The following PUM3 variants were observed in gnomAD, a reference collection of about 807,000 sequenced individuals.
PUM3 encodes pumilio homolog 3.
In PUM3, 91 loss-of-function variants were observed where a neutral mutation model predicts 84.0. That is an observed-to-expected ratio of 1.08 (90% CI 0.91 to 1.29). The LOEUF is 1.29. PUM3 is among the 50% of genes most tolerant of loss of function. PUM3 has a pLI of 0.00. For synonymous variants in PUM3, 321 were observed against 266.7 expected, an observed-to-expected ratio of 1.20 and a Z score of -1.98; for missense variants, 1,067 against 767.5, an observed-to-expected ratio of 1.39 and a Z score of -4.61.
At position 2,839,273 on chromosome 9, in the gene PUM3, C is replaced by T. The variant is rs80325504; in HGVS notation, c.-10-756G>A. 4.9e-3 allele frequency among the ~76,000 whole-genome samples: 753 copies of T among 152,298 alleles called. 7 individuals carry two copies. Among genetic ancestry groups the T allele is most frequent in the African/African-American group, 0.017 (712 of 41,566 alleles). ...AAAAGCCATTTGGCTCATTTCTCCA[C>T]TTTCCAAAGTTGGACGATCAACTCA... On this transcript the variant is annotated intron_variant, in intron 1 of 17. Transcript: ENST00000397885.
At chr9:2,834,211 G>C in intron 3 of PUM3, 45 bp from the exon 4 acceptor site, 1 of 1,537,820 alleles carries the variant, frequency 6.5e-7, no homozygotes, top group Non-Finnish European at 8.9e-7. Flanking sequence ...AACATTCTAA[G>C]TGTCATACAC....
At chr9:2,808,919 T>C (rs1372527974) in intron 16 of PUM3, among the ~76,000 whole-genome samples, 1 of 152,148 alleles carries the variant, frequency 6.6e-6, no homozygotes, top group Non-Finnish European at 1.5e-5. Context: ...TGCCACGCAT[T>C]TACTTTGTCC....
intron 13 of PUM3, among the ~76,000 whole-genome samples, chr9:2,812,766 A>T (rs1821398840): frequency 6.6e-6 from 1 of 152,172 alleles, no homozygotes; most frequent in African/African-American, 2.4e-5. Context: ...GTATTAACTG[A>T]CCAAGCCCAA....
chr9:2,833,005 AAAG>A (rs1477320082), intron 5 of PUM3, among the ~76,000 whole-genome samples: 4 of 152,256 alleles, frequency 2.6e-5, no homozygotes, highest in Non-Finnish European at 4.4e-5. Flanking sequence ...TCACAAATAT[AAAG>A]AAGTTGGCAA....
chr9:2,809,226 G>C (rs936415858), intron 16 of PUM3, among the ~76,000 whole-genome samples: 1 of 152,112 alleles, frequency 6.6e-6, no homozygotes. Context: ...ACAGCTAGAC[G>C]TGCAGGAGGA....
intron 3 of PUM3, among the ~76,000 whole-genome samples, chr9:2,834,424 C>T (rs564287096): frequency 2.6e-5 from 4 of 152,092 alleles, no homozygotes; most frequent in Non-Finnish European, 1.5e-5. Flanking sequence ...AAAAGAATTA[C>T]AAAAGTAACT....
chr9:2,844,059 C>G lies in PUM3; in HGVS notation c.-25G>C, dbSNP rs114710813. 1 of 157,794 alleles carries G rather than the reference C, an allele frequency of 6.3e-6. No individual in the cohort carries two copies. The highest frequency in any genetic ancestry group is 1.5e-5 in the Non-Finnish European group (1 of 68,152). 9.8% of individuals were successfully genotyped at this position (157,794 alleles called of 1,614,324 possible). On this transcript the variant is annotated 5_prime_UTR_variant, in exon 1 of 18. Transcript: ENST00000397885. Reference sequence around the variant, plus strand: ...GCCACACTCACCGCACACGTGGGACCGAGACAGCTCGCGCAGCGGATCCCG... The same window carrying G: ...GCCACACTCACCGCACACGTGGGACGGAGACAGCTCGCGCAGCGGATCCCG...
chr9:2,836,940 T>G (rs550137782), intron 3 of PUM3, among the ~76,000 whole-genome samples: 2 of 152,276 alleles, frequency 1.3e-5, no homozygotes, highest in Admixed American at 6.5e-5. Flanking sequence ...TATAAAGCCA[T>G]TATAATTTAA....
At chr9:2,831,981 C>T (rs1388718641) in intron 5 of PUM3, among the ~76,000 whole-genome samples, 1 of 152,038 alleles carries the variant, frequency 6.6e-6, no homozygotes, top group Non-Finnish European at 1.5e-5. Flanking sequence ...TTGGAAGGAC[C>T]CACTGACCAA....
chr9:2,818,648 A>T (rs185916105), intron 13 of PUM3, among the ~76,000 whole-genome samples: 1 of 152,362 alleles, frequency 6.6e-6, no homozygotes, highest in Admixed American at 6.5e-5. Context: ...TGGAGTCAAA[A>T]GGGTAATAAA....
chr9:2,843,295 G>C (rs964655474), intron 1 of PUM3, among the ~76,000 whole-genome samples: 1 of 151,774 alleles, frequency 6.6e-6, no homozygotes. Context: ...GCCCATTATC[G>C]CCTCTGCTTG....
At chr9:2,833,289 T>A (rs1447208413) in intron 5 of PUM3, 68 bp downstream of exon 5, 7 of 759,512 alleles carry the variant, frequency 9.2e-6, no homozygotes, top group Non-Finnish European at 1.6e-5. Flanking sequence ...TCATGAATGG[T>A]CAGCTACTCC....
In PUM3 at chr9:2,833,393, A is replaced by T. The variant is rs2129871117; in HGVS notation, c.480T>A (p.Ser160Arg). Reference sequence around the variant, plus strand: ...TCCCTTGAATCAACTTCTGCAAATCACTCATTAACTTTACTCTTTTTTCTT... The same window carrying T: ...TCCCTTGAATCAACTTCTGCAAATCTCTCATTAACTTTACTCTTTTTTCTT... ...CDKEKRVKLMSDLQKLIQGKI... is the reference protein window; with the variant it reads ...CDKEKRVKLMRDLQKLIQGKI... The change falls in exon 5 of 18, where the codon AGT (serine) becomes AGA (arginine). Residue 160 changes from serine to arginine, a missense_variant. Transcript: ENST00000397885. 6.3e-7 allele frequency: 1 copy of T among 1,593,116 alleles called. No homozygotes were observed. The highest frequency in any genetic ancestry group is 1.1e-5 in the South Asian group (1 of 89,942).
chr9:2,832,436 G>A (rs1375298926), intron 5 of PUM3, among the ~76,000 whole-genome samples: 3 of 152,112 alleles, frequency 2.0e-5, no homozygotes, highest in Non-Finnish European at 2.9e-5. Flanking sequence ...TACAGTAAAC[G>A]ACACAATGCA....
Position 2,812,251 on chromosome 9 carries a change from C to G in PUM3, c.1381G>C (p.Val461Leu). Residue 461 changes from valine (V) to leucine (L), a missense_variant, in exon 14 of 18, where the codon GTT becomes CTT. Transcript: ENST00000397885. The stretch of plus-strand genomic sequence containing the variant: ...GCATTTCCATCTCCTTTTTGCAGAA[C>G]TTCAATGATTTCTCGTACTGTATGT... ...PAHTVREIIE[V>L]LQKGDGNAHS... The G allele has an allele frequency of 6.2e-7, 1 of 1,613,706 alleles. No individual in the cohort carries two copies. The highest frequency in any genetic ancestry group is 1.7e-5 in the Admixed American group (1 of 59,988).
rs565884644 is a variant in PUM3, at chr9:2,827,130, T to C, written c.978A>G (p.Ser326=). The C allele has an allele frequency of 6.2e-7, 1 of 1,610,002 alleles. No homozygotes were observed. The change falls in exon 10 of 18, where the codon TCA becomes TCG. Residue 326 remains serine, a synonymous_variant. Transcript: ENST00000397885. ...AGTCCAAGAATACTTTATGCACCAATGAGTGCTTAATCACAGCTTCCCTGA... is the reference window on the plus strand; with the variant it reads ...AGTCCAAGAATACTTTATGCACCAACGAGTGCTTAATCACAGCTTCCCTGA... The part of the protein sequence containing the change: ...MAQKEAVIKH[S]LVHKVFLDFF...
intron 1 of PUM3, among the ~76,000 whole-genome samples, chr9:2,841,352 G>A (rs891971696): frequency 1.3e-5 from 2 of 152,160 alleles, no homozygotes; most frequent in South Asian, 2.1e-4. Flanking sequence ...GGAGGCTGAG[G>A]CAGGTGGATT....
At chr9:2,827,198 A>G (rs1815846475) in intron 9 of PUM3, 47 bp from the exon 10 acceptor site, 17 of 1,344,844 alleles carry the variant, frequency 1.3e-5, no homozygotes, top group Non-Finnish European at 1.6e-5. Context: ...ATCTGGCACT[A>G]CAGTCATACA....
rs562304747 is a variant in PUM3 at position 2,805,606 on chromosome 9, C to T, written c.1815-1143G>A. ...ACGATGCTAAAAAGTAAAGTTCCCT[C>T]GTAATGAATTTGTGACTCACTAGGT... On this transcript the variant is annotated intron_variant, in intron 17 of 17. Coordinates refer to ENST00000397885, the MANE Select transcript of PUM3 (RefSeq NM_014878.5). Among the ~76,000 whole-genome samples the T allele has an allele frequency of 4.6e-5, 7 of 152,244 alleles. No homozygotes were observed. In the East Asian group the frequency reaches 1.3e-3, roughly 29 times the overall value.
Sources: allele counts gnomAD v4.1 joint callset (sites outside exome capture counted in the v4.1 genomes callset), GRCh38; gene constraint gnomAD v4.1.1; transcripts MANE v1.5; gene names NCBI Gene and HGNC (gene_info 2026-07-23, HGNC 2026-07-21).